CTNNB1: variants seen among roughly 807,000 people sequenced by gnomAD.
CTNNB1 encodes the protein catenin beta 1.
CTNNB1 carries 6 observed loss-of-function variants against 82.5 expected under a neutral mutation model. The ratio of observed to expected loss-of-function variants is 0.07; its 90% CI spans 0.04 to 0.14. The LOEUF is 0.14. CTNNB1 is among the 10% of genes least tolerant of loss of function. The pLI, the probability that CTNNB1 is intolerant of heterozygous loss-of-function variation, is 1.00. For missense variants in CTNNB1, 529 were observed against 980.4 expected (o/e 0.54, Z 6.15); for synonymous variants, 312 against 329.7 (o/e 0.95, Z 0.58).
Position 41,224,933 on chromosome 3 carries a change from T to C in CTNNB1, c.242-21T>C, listed in dbSNP as rs1559468021. On this transcript the variant is annotated intron_variant, in intron 3 of 14. Coordinates refer to ENST00000349496, the MANE Select transcript of CTNNB1 (RefSeq NM_001904.4). ...TAAATGCTGAACTGTGGATAGTGAG[T>C]GTTGAATTAACCTTTTCCAGATATT... 6 of 1,613,890 alleles carry C rather than the reference T, an allele frequency of 3.7e-6. No individual in the cohort carries two copies. The African/African-American group carries it at 8.0e-5, about 22-fold the overall frequency.
rs1288774288 is a variant in CTNNB1 at position 41,240,375 on chromosome 3, T to C, written c.*1033T>C. 1.1e-5 allele frequency: 2 copies of C among 185,736 alleles called. No homozygotes were observed. The allele number at this position is 185,736 out of a possible 1,614,324, so 11.5% of individuals were successfully genotyped here. On this transcript the variant is annotated 3_prime_UTR_variant, in exon 15 of 15. Coordinates refer to ENST00000349496, the MANE Select transcript of CTNNB1 (RefSeq NM_001904.4). Reference sequence around the variant, plus strand: ...TTATCCCAAAGTTGTTGTAACCTGCTGTGATACGATGCTTCAAGAGAAAAT... The same window carrying C: ...TTATCCCAAAGTTGTTGTAACCTGCCGTGATACGATGCTTCAAGAGAAAAT...
intron 10 of CTNNB1, 71 bp from the exon 11 acceptor site, chr3:41,235,653 C>T (rs1437208776): frequency 1.9e-6 from 3 of 1,588,310 alleles, no homozygotes; most frequent in Non-Finnish European, 2.6e-6. Flanking sequence ...TAAATAATTA[C>T]AGTCTAATAA....
intron 1 of CTNNB1, chr3:41,211,060 G>A (rs761239065): frequency 3.7e-5 from 17 of 456,414 alleles, no homozygotes; most frequent in African/African-American, 3.0e-4. Flanking sequence ...CACAAAGTGC[G>A]AGGATTACAG....
chr3:41,203,888 G>C (rs1225009098), intron 1 of CTNNB1, among the ~76,000 whole-genome samples: 4 of 152,108 alleles, frequency 2.6e-5, no homozygotes, highest in Non-Finnish European at 5.9e-5. Flanking sequence ...GAAGTTAAAC[G>C]GTCAGCATAT....
In CTNNB1 at chr3:41,236,592, A is replaced by G. The variant is rs1329751096; in HGVS notation, c.1959A>G (p.Thr653=). 1.9e-6 allele frequency: 3 copies of G among 1,614,200 alleles called. No homozygotes were observed. Among genetic ancestry groups the G allele is most frequent in the Non-Finnish European group, 2.5e-6 (3 of 1,180,042 alleles). Reference sequence around the variant, plus strand: ...CTTTTTCTCCTTGTCTCTTAGCGACATATGCAGCTGCTGTTTTGTTCCGAA... The same window carrying G: ...CTTTTTCTCCTTGTCTCTTAGCGACGTATGCAGCTGCTGTTTTGTTCCGAA... ...LLHSRNEGVA[T]YAAAVLFRMS... is the part of the protein sequence containing the mutation. Residue 653 remains threonine (T), a synonymous_variant, in exon 13 of 15, where the codon ACA becomes ACG. Transcript: ENST00000349496.
At position 41,239,886 on chromosome 3, in the gene CTNNB1, G is replaced by A. The variant is rs1346732963; in HGVS notation, c.*544G>A. ...AAGAATGCACAAGAATGGATCACAA[G>A]ATGGAATTTATCAAACCCTAGCCTT... On this transcript the variant is annotated 3_prime_UTR_variant, in exon 15 of 15. Transcript: ENST00000349496. 3.9e-5 allele frequency: 8 copies of A among 206,186 alleles called. No homozygotes were observed. The highest frequency in any genetic ancestry group is 3.0e-4 in the Admixed American group (5 of 16,850). 12.8% of individuals were successfully genotyped at this position (206,186 alleles called of 1,614,324 possible).
intron 13 of CTNNB1, chr3:41,236,913 A>G: frequency 4.8e-6 from 3 of 630,698 alleles, no homozygotes; most frequent in Non-Finnish European, 8.2e-6. Flanking sequence ...ATCATTACAA[A>G]TAAGTTGTGT....
intron 13 of CTNNB1, 53 bp from the exon 14 acceptor site, chr3:41,237,963 G>A (rs367794325): frequency 4.0e-6 from 6 of 1,511,438 alleles, no homozygotes; most frequent in Admixed American, 1.7e-5. Context: ...GTGTACTTTT[G>A]AGAATTTTCA....
chr3:41,209,765 T>C (rs1354950493), intron 1 of CTNNB1, among the ~76,000 whole-genome samples: 1 of 152,130 alleles, frequency 6.6e-6, no homozygotes, highest in Non-Finnish European at 1.5e-5. Context: ...GTAAAAAATA[T>C]GGTATCAAAA....
At position 41,226,600 on chromosome 3, in the gene CTNNB1, A is replaced by G. The variant is rs2078181893; in HGVS notation, c.937-608A>G. Among the ~76,000 whole-genome samples, 4 of 152,214 alleles carry G rather than the reference A, an allele frequency of 2.6e-5. No individual in the cohort carries two copies. In the South Asian group the frequency reaches 6.2e-4, roughly 24 times the overall value. ...AGGAAGAAAGGTTTGAGGTGAGGCT[A>G]TTGAGATAGACTTAGCAGATCTCAT... is the stretch of plus-strand genomic sequence containing the variant. On this transcript the variant is annotated intron_variant, in intron 6 of 14. Transcript: ENST00000349496.
chr3:41,212,242 C>T (rs1168026111), intron 1 of CTNNB1, among the ~76,000 whole-genome samples: 1 of 152,146 alleles, frequency 6.6e-6, no homozygotes, highest in Admixed American at 6.5e-5. Flanking sequence ...GTTTTTGTAT[C>T]CCTGATAGCG....
intron 6 of CTNNB1, 23 bp from the exon 7 acceptor site, chr3:41,227,185 G>GAT (rs139158008): frequency 1.4e-3 from 2,101 of 1,532,014 alleles, no homozygotes; most frequent in African/African-American, 3.8e-3. Flanking sequence ...TGACTAACAA[G>GAT]ATATATATAT....
intron 1 of CTNNB1, among the ~76,000 whole-genome samples, chr3:41,220,347 A>G (rs931898883): frequency 2.0e-5 from 3 of 151,934 alleles, no homozygotes; most frequent in Non-Finnish European, 4.4e-5. Flanking sequence ...CTTATTGACT[A>G]TTCGAGGATG....
rs72861954 is a variant in CTNNB1 at position 41,205,045 on chromosome 3, A to G, written c.-49+5375A>G. Among the ~76,000 whole-genome samples, 160 of 152,290 alleles carry G rather than the reference A, an allele frequency of 1.1e-3. 1 individual carries two copies. The highest frequency in any genetic ancestry group is 3.7e-3 in the African/African-American group (152 of 41,530). ...GCCAGGTTCAAGGAAAAGGGGGAGA[A>G]GTAACTTTCTTATTACTCAACCATC... On this transcript the variant is annotated intron_variant, in intron 1 of 14. Transcript: ENST00000349496.
intron 1 of CTNNB1, among the ~76,000 whole-genome samples, chr3:41,219,379 A>G (rs1266285601): frequency 7.2e-5 from 11 of 152,240 alleles, no homozygotes; most frequent in Admixed American, 7.2e-4. Context: ...TATTTTAAAC[A>G]GTAAAATTAT....
intron 7 of CTNNB1, among the ~76,000 whole-genome samples, chr3:41,231,726 T>G (rs1363697221): frequency 6.6e-6 from 1 of 152,152 alleles, no homozygotes; most frequent in Non-Finnish European, 1.5e-5. Context: ...ATTAACAGTT[T>G]GAATGACCAA....
At position 41,199,588 on chromosome 3, in the gene CTNNB1, G is replaced by A. The variant is rs2125577633; in HGVS notation, c.-131G>A. 1 of 153,036 alleles carries A rather than the reference G, an allele frequency of 6.5e-6. No individual in the cohort carries two copies. Among genetic ancestry groups the A allele is most frequent in the African/African-American group, 2.4e-5 (1 of 41,550 alleles). The allele number at this position is 153,036 out of a possible 1,614,324, so 9.5% of individuals were successfully genotyped here. A position where few individuals can be genotyped will look rare whatever the true frequency, so the allele number is the denominator to read the frequency against. ...AGGCGGAGACGGAGGAAGGTCTGAGGAGCAGCTTCAGTCCCCGCCGAGCCG... is the reference window on the plus strand; with the variant it reads ...AGGCGGAGACGGAGGAAGGTCTGAGAAGCAGCTTCAGTCCCCGCCGAGCCG... On this transcript the variant is annotated 5_prime_UTR_variant, in exon 1 of 15. Transcript: ENST00000349496.
rs755744390 is a variant in CTNNB1 at position 41,224,031 on chromosome 3, G to A, written c.-38G>A. The A allele has an allele frequency of 9.3e-6, 15 of 1,608,804 alleles. No individual in the cohort carries two copies. The highest frequency in any genetic ancestry group is 1.3e-5 in the African/African-American group (1 of 74,910). ...ATTAACTTTTTTTAGGGTATTTGAA[G>A]TATACCATACAACTGTTTTGAAAAT... On this transcript the variant is annotated 5_prime_UTR_variant, in exon 2 of 15. Coordinates refer to ENST00000349496, the MANE Select transcript of CTNNB1 (RefSeq NM_001904.4).
intron 1 of CTNNB1, among the ~76,000 whole-genome samples, chr3:41,218,385 G>A (rs1211806641): frequency 6.6e-6 from 1 of 151,982 alleles, no homozygotes; most frequent in Non-Finnish European, 1.5e-5. Flanking sequence ...GATGGAACTG[G>A]TTCCTCCTTA....
Sources: gnomAD v4.1 joint callset for allele counts (sites outside exome capture counted in the v4.1 genomes callset) on GRCh38, gnomAD v4.1.1 for gene constraint, MANE v1.5 for transcripts, NCBI Gene and HGNC (gene_info 2026-07-23, HGNC 2026-07-21) for gene names.